CABIN1: variants seen among roughly 807,000 people sequenced by gnomAD.
CABIN1 encodes calcineurin binding protein 1, also known as calcineurin-binding protein cabin-1.
Under a neutral mutation model 227.7 loss-of-function variants are expected in CABIN1, and 133 were observed. The ratio of observed to expected loss-of-function variants is 0.58; its 90% CI spans 0.51 to 0.67. The LOEUF (loss-of-function observed/expected upper bound fraction) is 0.67, where lower values mean the gene tolerates loss of function less well. CABIN1 is among the 30% of genes least tolerant of loss of function. The pLI, the probability that CABIN1 is intolerant of heterozygous loss-of-function variation, is 0.00. For missense variants in CABIN1, 2,408 were observed against 2,852.5 expected (o/e 0.84, Z 3.55); for synonymous variants, 1,086 against 1,155.1 (o/e 0.94, Z 1.21).
chr22:24,121,618 C>T (rs2043416012), intron 28 of CABIN1, among the ~76,000 whole-genome samples: 1 of 152,252 alleles, frequency 6.6e-6, no homozygotes, highest in Non-Finnish European at 1.5e-5. Context: ...GTCCTCACTG[C>T]TGAAGCCGTC....
rs571877749 is a variant in CABIN1 at position 24,158,110 on chromosome 22, C to T, written c.4747-6290C>T. Among the ~76,000 whole-genome samples, 3 of 152,350 alleles carry T rather than the reference C, an allele frequency of 2.0e-5. No individual in the cohort carries two copies. The South Asian group carries it at 6.2e-4, about 32-fold the overall frequency. The stretch of plus-strand genomic sequence containing the variant: ...TCCCTCCACCAGGGGAACGGGCTCT[C>T]CCTTGGTTGCTCACAGTGTCGTGTT... On this transcript the variant is annotated intron_variant, in intron 29 of 36. Coordinates refer to ENST00000263119, the MANE Select transcript of CABIN1 (RefSeq NM_012295.4).
At chr22:24,081,879 T>G (rs946421304) in intron 19 of CABIN1, among the ~76,000 whole-genome samples, 7 of 151,958 alleles carry the variant, frequency 4.6e-5, no homozygotes, top group African/African-American at 1.7e-4. Context: ...ATAAAAAAAT[T>G]AGCTGGGCAT....
chr22:24,049,078 C>T lies in CABIN1; in HGVS notation c.527-13C>T, dbSNP rs1308732397. ...CGGTCTCAGAAGTCATAAACTGTCT[C>T]TTTCCCCGCCAGCATGTCTGTACTT... On this transcript the variant is annotated splice_polypyrimidine_tract_variant and intron_variant, in intron 6 of 36. Transcript: ENST00000263119. 1.2e-6 allele frequency: 2 copies of T among 1,613,768 alleles called. No individual in the cohort carries two copies. Among genetic ancestry groups the T allele is most frequent in the Non-Finnish European group, 1.7e-6 (2 of 1,179,932 alleles).
At chr22:24,063,624 G>C (rs945669343) in intron 14 of CABIN1, among the ~76,000 whole-genome samples, 3 of 152,198 alleles carry the variant, frequency 2.0e-5, no homozygotes, top group African/African-American at 7.2e-5. Flanking sequence ...CCTTGCACAT[G>C]GTGGTACTGG....
rs754327153 is a variant in CABIN1, at chr22:24,176,290, G to C, written c.6205+15G>C. 3 of 1,588,356 alleles carry C rather than the reference G, an allele frequency of 1.9e-6. No individual in the cohort carries two copies. The South Asian group carries it at 3.4e-5, about 18-fold the overall frequency. On this transcript the variant is annotated intron_variant, in intron 35 of 36. Coordinates refer to ENST00000263119, the MANE Select transcript of CABIN1 (RefSeq NM_012295.4). ...CTGCAGCCAGGGTAAGGCGAGTTGG[G>C]AGCAGCCCAGCACCAGCCCCCAGGA...
In CABIN1 at chr22:24,050,957, G is replaced by A. The variant is rs780844514; in HGVS notation, c.789G>A (p.Gln263=). ...AGGAGCCGGACCTGAAACTTGTGCA[G>A]CCCATTCCTTTCTTCACGTAGGTTG... The part of the protein sequence containing the change: ...REKEPDLKLV[Q]PIPFFTWKCL... The change falls in exon 8 of 37, where the codon CAG becomes CAA. Residue 263 remains glutamine (Q), a synonymous_variant. Coordinates refer to ENST00000263119, the MANE Select transcript of CABIN1 (RefSeq NM_012295.4). The A allele has an allele frequency of 6.2e-7, 1 of 1,614,190 alleles. No individual in the cohort carries two copies. Among genetic ancestry groups the A allele is most frequent in the South Asian group, 1.1e-5 (1 of 91,082 alleles).
chr22:24,120,782 C>A (rs1245931773), intron 28 of CABIN1, among the ~76,000 whole-genome samples: 3 of 152,202 alleles, frequency 2.0e-5, no homozygotes, highest in African/African-American at 4.8e-5. Flanking sequence ...CACTGCACTT[C>A]AGCCTGGGCA....
Position 24,050,529 on chromosome 22 carries a change from T to C in CABIN1, c.657-296T>C, listed in dbSNP as rs578226116. Among the ~76,000 whole-genome samples the C allele has an allele frequency of 3.3e-5, 5 of 152,368 alleles. No individual in the cohort carries two copies. In the South Asian group the frequency reaches 1.0e-3, roughly 32 times the overall value. ...CTAATAATAATTGAGAGAAAGATTT[T>C]ATTTTTCTGTGGCTTTTCAGATATT... On this transcript the variant is annotated intron_variant, in intron 7 of 36. Coordinates refer to ENST00000263119, the MANE Select transcript of CABIN1 (RefSeq NM_012295.4).
chr22:24,017,214 T>C lies in CABIN1; in HGVS notation c.-75+5847T>C, dbSNP rs553552509. On this transcript the variant is annotated intron_variant, in intron 1 of 36. Coordinates refer to ENST00000263119, the MANE Select transcript of CABIN1 (RefSeq NM_012295.4). ...ACCATGCCCAGCCAATTTTTTTGTATTTTTAGCAGAGACAGGGTTTCACTG... is the reference window on the plus strand; with the variant it reads ...ACCATGCCCAGCCAATTTTTTTGTACTTTTAGCAGAGACAGGGTTTCACTG... Among the ~76,000 whole-genome samples, 6 of 152,092 alleles carry C rather than the reference T, an allele frequency of 3.9e-5. No homozygotes were observed. The East Asian group carries it at 5.8e-4, about 15-fold the overall frequency.
intron 29 of CABIN1, among the ~76,000 whole-genome samples, chr22:24,138,891 C>T (rs2148289190): frequency 1.3e-5 from 2 of 152,308 alleles, no homozygotes; most frequent in South Asian, 4.1e-4. Flanking sequence ...GCATTCCTTC[C>T]TCCAGGATGT....
At chr22:24,084,476 C>T (rs2041017003) in intron 20 of CABIN1, 103 bp from the exon 21 acceptor site, 1 of 950,408 alleles carries the variant, frequency 1.1e-6, no homozygotes, top group African/African-American at 1.6e-5. Context: ...TATGCCATAA[C>T]CTCATTTACA....
intron 29 of CABIN1, among the ~76,000 whole-genome samples, chr22:24,152,701 G>C (rs901843589): frequency 1.3e-5 from 2 of 152,168 alleles, no homozygotes; most frequent in Non-Finnish European, 2.9e-5. Flanking sequence ...TGTAATCCCA[G>C]CACTTTGGGA....
In CABIN1 at chr22:24,131,772, G is replaced by A. The variant is rs142820844; in HGVS notation, c.4633-2530G>A. ...GATGTGCTCAACTGTGGTATTAGAA[G>A]TGCAGGTGATGGACCAGGCACGGTG... On this transcript the variant is annotated intron_variant, in intron 28 of 36. Coordinates refer to ENST00000263119, the MANE Select transcript of CABIN1 (RefSeq NM_012295.4). 1.0e-2 allele frequency among the ~76,000 whole-genome samples: 1,518 copies of A among 152,232 alleles called. 66 individuals are homozygous for A. Among genetic ancestry groups the A allele is most frequent in the Admixed American group, 0.064 (984 of 15,290 alleles).
chr22:24,079,764 T>C (rs1220063451), intron 19 of CABIN1, among the ~76,000 whole-genome samples: 1 of 152,196 alleles, frequency 6.6e-6, no homozygotes, highest in African/African-American at 2.4e-5. Context: ...CTTTTTCCTA[T>C]TGATTTGCAG....
At chr22:24,096,302 G>A (rs1454116169) in intron 25 of CABIN1, among the ~76,000 whole-genome samples, 1 of 152,160 alleles carries the variant, frequency 6.6e-6, no homozygotes, top group East Asian at 1.9e-4. Flanking sequence ...CTTACCCTGT[G>A]GTCATGTGTG....
At chr22:24,059,446 G>C in intron 11 of CABIN1, 83 bp downstream of exon 11, 1 of 1,529,034 alleles carries the variant, frequency 6.5e-7, no homozygotes, top group Non-Finnish European at 8.9e-7. Context: ...TGTTCTGGGA[G>C]AATGGTTCTG....
intron 1 of CABIN1, among the ~76,000 whole-genome samples, chr22:24,021,321 T>C (rs1221810316): frequency 6.6e-6 from 1 of 151,718 alleles, no homozygotes; most frequent in Non-Finnish European, 1.5e-5. Context: ...AGCCTGGCCA[T>C]CATTTTAAAA....
intron 19 of CABIN1, among the ~76,000 whole-genome samples, chr22:24,082,499 G>A (rs967617804): frequency 6.6e-6 from 1 of 152,064 alleles, no homozygotes. Context: ...TTATATAATT[G>A]ATTTCTAATT....
intron 29 of CABIN1, among the ~76,000 whole-genome samples, chr22:24,159,884 G>A (rs1386750496): frequency 6.6e-6 from 1 of 152,222 alleles, no homozygotes; most frequent in East Asian, 1.9e-4. Flanking sequence ...GTGGCAGCCT[G>A]CCCCTGCAAT....
Sources: allele counts gnomAD v4.1 joint callset (sites outside exome capture counted in the v4.1 genomes callset), GRCh38; gene constraint gnomAD v4.1.1; transcripts MANE v1.5; gene names NCBI Gene and HGNC (gene_info 2026-07-23, HGNC 2026-07-21).